Variants in TNFSF4 observed in about 807,000 individuals in gnomAD.
The protein encoded by TNFSF4 is tumor necrosis factor ligand superfamily member 4.
Under a neutral mutation model 7.3 loss-of-function variants are expected in TNFSF4, and 4 were observed. The observed-to-expected ratio is 0.55, with a 90% CI of 0.27 to 1.25. The LOEUF is 1.25. Ranked by LOEUF, TNFSF4 falls within the 50% of genes most tolerant of loss-of-function variation. The pLI is 0.12. For missense variants in TNFSF4, 181 were observed against 208.8 expected (o/e 0.87, Z 0.82); for synonymous variants, 76 against 83.7 (o/e 0.91, Z 0.50).
chr1:173,206,753 C>T (rs976804129), intron 1 of TNFSF4, among the ~76,000 whole-genome samples: 2 of 152,082 alleles, frequency 1.3e-5, no homozygotes, highest in African/African-American at 2.4e-5. Flanking sequence ...TAAAGGGATA[C>T]AAGGAATCTT....
chr1:173,401,051 C>A, the TNFSF4 span, among the ~76,000 whole-genome samples: 4 of 152,126 alleles, frequency 2.6e-5, no homozygotes, highest in African/African-American at 9.6e-5. Context: ...TATTTGCTTT[C>A]TTTCCTCTCT....
chr1:173,418,778 G>A, the TNFSF4 span, among the ~76,000 whole-genome samples: 2 of 152,210 alleles, frequency 1.3e-5, no homozygotes, highest in African/African-American at 4.8e-5. Context: ...GATGTGTAAT[G>A]GTCATGGCGA....
At chr1:173,231,697 T>A in the TNFSF4 span, among the ~76,000 whole-genome samples, 1 of 152,160 alleles carries the variant, frequency 6.6e-6, no homozygotes, top group East Asian at 1.9e-4. Flanking sequence ...ATGACATGAT[T>A]GTATATTTAG....
downstream of TNFSF4, among the ~76,000 whole-genome samples, chr1:173,183,172 A>G (rs776472173): frequency 6.6e-6 from 1 of 152,176 alleles, no homozygotes; most frequent in Non-Finnish European, 1.5e-5. Flanking sequence ...CCTGAAGTAC[A>G]CCAGCATTAA....
downstream of TNFSF4, among the ~76,000 whole-genome samples, chr1:173,182,858 C>A (rs1649079809): frequency 6.6e-6 from 1 of 152,128 alleles, no homozygotes; most frequent in African/African-American, 2.4e-5. Flanking sequence ...AGTGCATTTG[C>A]ACATTGTGTG....
chr1:173,209,910 T>C (rs1650317349), upstream of TNFSF4, among the ~76,000 whole-genome samples: 1 of 152,096 alleles, frequency 6.6e-6, no homozygotes, highest in Non-Finnish European at 1.5e-5. Flanking sequence ...GTAATTATCT[T>C]CCCATAGACT....
the TNFSF4 span, among the ~76,000 whole-genome samples, chr1:173,173,660 A>G: frequency 6.6e-6 from 1 of 152,230 alleles, no homozygotes; most frequent in Non-Finnish European, 1.5e-5. Context: ...ACCATATGTA[A>G]GCTGCCAAGG....
the TNFSF4 span, among the ~76,000 whole-genome samples, chr1:173,414,011 G>A: frequency 2.6e-5 from 4 of 152,178 alleles, no homozygotes; most frequent in Admixed American, 6.5e-5. Flanking sequence ...CATGACAGGA[G>A]GAAAGGGGGA....
the TNFSF4 span, among the ~76,000 whole-genome samples, chr1:173,380,416 C>G: frequency 6.6e-6 from 1 of 151,908 alleles, no homozygotes; most frequent in African/African-American, 2.4e-5. Flanking sequence ...GCTAAAAGAC[C>G]CCATCAGTGT....
At chr1:173,409,924 G>T in the TNFSF4 span, among the ~76,000 whole-genome samples, 3 of 152,152 alleles carry the variant, frequency 2.0e-5, no homozygotes, top group Admixed American at 2.0e-4. Context: ...TTCAAGGTTT[G>T]TACTCTTTTC....
the TNFSF4 span, chr1:173,175,076 A>C: frequency 6.6e-6 from 1 of 152,226 alleles, no homozygotes; most frequent in Non-Finnish European, 1.5e-5. Flanking sequence ...GGTAATTAAA[A>C]ATTATTAAAT....
the TNFSF4 span, among the ~76,000 whole-genome samples, chr1:173,279,297 A>G: frequency 6.6e-6 from 1 of 152,086 alleles, no homozygotes; most frequent in Non-Finnish European, 1.5e-5. Context: ...TCCATGGTTT[A>G]AGCCCATACT....
the TNFSF4 span, among the ~76,000 whole-genome samples, chr1:173,301,163 G>T: frequency 6.6e-6 from 1 of 151,904 alleles, no homozygotes; most frequent in Non-Finnish European, 1.5e-5. Flanking sequence ...CACATGAACA[G>T]AGCAAATGAA....
At chr1:173,247,529 T>C in the TNFSF4 span, among the ~76,000 whole-genome samples, 2 of 152,200 alleles carry the variant, frequency 1.3e-5, no homozygotes, top group African/African-American at 4.8e-5. Flanking sequence ...CTCAGCCAGT[T>C]GAAAATAGTG....
At chr1:173,285,339 G>A in the TNFSF4 span, among the ~76,000 whole-genome samples, 8 of 152,116 alleles carry the variant, frequency 5.3e-5, no homozygotes, top group Non-Finnish European at 1.0e-4. Context: ...AGCAAATGAG[G>A]TGTTTTTTTG....
At chr1:173,173,048 C>T in the TNFSF4 span, among the ~76,000 whole-genome samples, 2 of 152,202 alleles carry the variant, frequency 1.3e-5, no homozygotes, top group Admixed American at 6.5e-5. Flanking sequence ...CTCATGACTA[C>T]TCCCTCACTA....
the TNFSF4 span, among the ~76,000 whole-genome samples, chr1:173,430,034 AG>A: frequency 1.2e-4 from 18 of 152,166 alleles, no homozygotes; most frequent in African/African-American, 4.3e-4. Context: ...CAGAGTGTGT[AG>A]GGCCTCGCCC....
the TNFSF4 span, among the ~76,000 whole-genome samples, chr1:173,279,671 T>C: frequency 6.6e-6 from 1 of 152,100 alleles, no homozygotes; most frequent in East Asian, 1.9e-4. Context: ...ATCATCGTAA[T>C]TGCCTTCCCT....
chr1:173,292,165 C>T, the TNFSF4 span, among the ~76,000 whole-genome samples: 1 of 152,006 alleles, frequency 6.6e-6, no homozygotes, highest in African/African-American at 2.4e-5. Flanking sequence ...ATACCAAAAT[C>T]ATGCAGAAAC....
Sources: allele counts gnomAD v4.1 joint callset (sites outside exome capture counted in the v4.1 genomes callset), GRCh38; gene constraint gnomAD v4.1.1; transcripts MANE v1.5; gene names NCBI Gene and HGNC (gene_info 2026-07-23, HGNC 2026-07-21).